The following LRRC41 variants were observed in gnomAD, a reference collection of about 807,000 sequenced individuals.
The protein encoded by LRRC41 is leucine-rich repeat-containing protein 41.
Under a neutral mutation model 72.1 loss-of-function variants are expected in LRRC41, and 17 were observed. That is an observed-to-expected ratio of 0.24 (90% CI 0.16 to 0.35). LRRC41 has a LOEUF of 0.35. Ranked by LOEUF, LRRC41 falls within the 10% of genes least tolerant of loss-of-function variation. LRRC41 has a pLI of 1.00. For missense variants in LRRC41, 759 were observed against 1,065.0 expected, an observed-to-expected ratio of 0.71 and a Z score of 4.00; for synonymous variants, 427 against 431.0, an observed-to-expected ratio of 0.99 and a Z score of 0.11.
chr1:46,285,838 C>T lies in LRRC41; in HGVS notation c.1019G>A (p.Arg340Lys). Residue 340 changes from arginine to lysine, a missense_variant, in exon 4 of 10, where the codon AGG (arginine) becomes AAG (lysine). By Grantham distance (26) the Arg-to-Lys change is conservative (BLOSUM62 2). Coordinates refer to ENST00000617190, the MANE Select transcript of LRRC41 (RefSeq NM_006369.5). The surrounding 1 kb of genome is among the most constrained non-coding windows in gnomAD (Gnocchi z 5.3). Reference sequence around the variant, plus strand: ...GGAGGTGGCTGGGGGGTGCAGCTCCCTCTTAAGGTCTGTTCCGCCTGCTGT... The same window carrying T: ...GGAGGTGGCTGGGGGGTGCAGCTCCTTCTTAAGGTCTGTTCCGCCTGCTGT... The part of the protein sequence containing the change: ...SLTAGGTDLK[R>K]ELHPPATSHE... 6.3e-7 allele frequency: 1 copy of T among 1,592,816 alleles called. No homozygotes were observed. The highest frequency in any genetic ancestry group is 1.7e-4 in the Middle Eastern group (1 of 5,922).
At chr1:46,292,968 G>A (rs914401493) in intron 3 of LRRC41, among the ~76,000 whole-genome samples, 4 of 152,052 alleles carry the variant, frequency 2.6e-5, no homozygotes, top group African/African-American at 7.2e-5. Context: ...GGTGGATCAC[G>A]AGGTCAAGAG....
rs1387489267 is a variant in LRRC41, at chr1:46,285,731, G to A, written c.1126C>T (p.Arg376Trp). The change falls in exon 4 of 10, where the codon CGG becomes TGG. Residue 376 changes from arginine (R) to tryptophan (W), a missense_variant. Physicochemically the swap from Arg to Trp is moderately radical, Grantham distance 101. Coordinates refer to ENST00000617190, the MANE Select transcript of LRRC41 (RefSeq NM_006369.5). The surrounding 1 kb of genome is among the most constrained non-coding windows in gnomAD (Gnocchi z 5.3). ...SASSSTSSYK[R>W]APASSAPQPK... ...TGTGGGGCTGAGCTAGCTGGTGCCC[G>A]TTTGTATGAGGATGTAGAAGAAGAG... is the stretch of plus-strand genomic sequence containing the variant. 10 of 1,607,274 alleles carry A rather than the reference G, an allele frequency of 6.2e-6. No homozygotes were observed. The highest frequency in any genetic ancestry group is 2.2e-5 in the South Asian group (2 of 90,588).
Position 46,302,014 on chromosome 1 carries a change from A to C in LRRC41, c.199+1110T>G, listed in dbSNP as rs1569671003. ...CTTTCACTTGCCCCACGTCGGACCC[A>C]AGTTTCCCTCGTCAGCGGCCAGGCC... On this transcript the variant is annotated intron_variant, in intron 1 of 9. Transcript: ENST00000617190. This position sits in a 1 kb window ranked among gnomAD's most constrained non-coding sequence, Gnocchi z 4.7. 1.0e-6 allele frequency: 1 copy of C among 985,256 alleles called. No homozygotes were observed. The allele number at this position is 985,256 out of a possible 1,614,324, so 61.0% of individuals were successfully genotyped here. A position where few individuals can be genotyped will look rare whatever the true frequency, so the allele number is the denominator to read the frequency against.
At position 46,279,052 on chromosome 1, in the gene LRRC41, T is replaced by G; in HGVS notation, c.2252A>C (p.Glu751Ala). Residue 751 changes from glutamate (E) to alanine (A), a missense_variant, in exon 10 of 10, where the codon GAG (glutamate) becomes GCG (alanine). Glu to Ala is a moderately radical substitution (Grantham distance 107). Transcript: ENST00000617190. This position sits in a 1 kb window ranked among gnomAD's most constrained non-coding sequence, Gnocchi z 4.5. ...CCAGCGCTCCAGCCGCTTGGCGAAC[T>G]CCAGAAGCCCATCTGGCTTGATGCA... ...SNCIKPDGLL[E>A]FAKRLERWGR... The G allele has an allele frequency of 6.2e-7, 1 of 1,610,148 alleles. No homozygotes were observed.
chr1:46,293,697 G>A (rs1219459614), intron 3 of LRRC41, among the ~76,000 whole-genome samples: 1 of 152,136 alleles, frequency 6.6e-6, no homozygotes, highest in Non-Finnish European at 1.5e-5. Context: ...AGCCTCCCAA[G>A]GAGCTTGGAT....
rs1661244984 is a variant in LRRC41 at position 46,302,097 on chromosome 1, C to T, written c.199+1027G>A. The T allele has an allele frequency of 1.0e-6, 1 of 985,242 alleles. No individual in the cohort carries two copies. Among genetic ancestry groups the T allele is most frequent in the African/African-American group, 1.7e-5 (1 of 57,240 alleles). The allele number at this position is 985,242 out of a possible 1,614,324, so 61.0% of individuals were successfully genotyped here. On this transcript the variant is annotated intron_variant, in intron 1 of 9. Transcript: ENST00000617190. The surrounding 1 kb of genome is among the most constrained non-coding windows in gnomAD (Gnocchi z 4.7). ...TCCCAGCCCAACTGGCCGGTTCGCCCTCCCCGGCCGTTCATCCCGGCGCCC... is the reference window on the plus strand; with the variant it reads ...TCCCAGCCCAACTGGCCGGTTCGCCTTCCCCGGCCGTTCATCCCGGCGCCC...
rs1257527306 is a variant in LRRC41 at position 46,279,313 on chromosome 1, A to G, written c.2144-56T>C. The G allele has an allele frequency of 1.3e-6, 2 of 1,592,540 alleles. No homozygotes were observed. The highest frequency in any genetic ancestry group is 2.2e-5 in the South Asian group (2 of 90,514). Reference sequence around the variant, plus strand: ...CCACCCAAGAACAGGGGACAAGGGTATCCCAACCCAACTATGGCTGGCAGA... The same window carrying G: ...CCACCCAAGAACAGGGGACAAGGGTGTCCCAACCCAACTATGGCTGGCAGA... On this transcript the variant is annotated intron_variant, in intron 8 of 9. Transcript: ENST00000617190. The surrounding 1 kb of genome is among the most constrained non-coding windows in gnomAD (Gnocchi z 4.5).
chr1:46,301,942 T>G (rs1220225482), intron 1 of LRRC41: 1 of 983,660 alleles, frequency 1.0e-6, no homozygotes, highest in Non-Finnish European at 1.2e-6. Flanking sequence ...AGGCCTCCCC[T>G]GTCCCCAGCG....
Position 46,302,303 on chromosome 1 carries a change from T to A in LRRC41, c.199+821A>T. On this transcript the variant is annotated intron_variant, in intron 1 of 9. Transcript: ENST00000617190. The surrounding 1 kb of genome is among the most constrained non-coding windows in gnomAD (Gnocchi z 4.7). ...TGGGGCCTCCTTGGCCCTTCCCGCC[T>A]GTCCGTCATTCGAGCCTCCCTCGCT... 1.0e-6 allele frequency: 1 copy of A among 985,290 alleles called. No individual in the cohort carries two copies. Among genetic ancestry groups the A allele is most frequent in the Non-Finnish European group, 1.2e-6 (1 of 829,862 alleles). The allele number at this position is 985,290 out of a possible 1,614,324, so 61.0% of individuals were successfully genotyped here. A position where few individuals can be genotyped will look rare whatever the true frequency, so the allele number is the denominator to read the frequency against.
At chr1:46,296,640 C>T (rs1661132827) in intron 3 of LRRC41, 1 of 152,140 alleles carries the variant, frequency 6.6e-6, no homozygotes, top group Non-Finnish European at 1.5e-5. Context: ...ATAATAGAAT[C>T]TCAGGTCTAA....
At position 46,297,605 on chromosome 1, in the gene LRRC41, T is replaced by C; in HGVS notation, c.315A>G (p.Arg105=). 1 of 1,614,138 alleles carries C rather than the reference T, an allele frequency of 6.2e-7. No individual in the cohort carries two copies. The highest frequency in any genetic ancestry group is 8.5e-7 in the Non-Finnish European group (1 of 1,179,998). ...KGLSTQAIWR[R]LWDELMKTRP... ...TTGTCTTCATCAGTTCATCCCAGAG[T>C]CGGCGCCAGATGGCCTGAGTTGAGA... The change falls in exon 3 of 10, where the codon CGA becomes CGG. Residue 105 remains arginine (R), a synonymous_variant. Transcript: ENST00000617190.
intron 3 of LRRC41, among the ~76,000 whole-genome samples, chr1:46,288,463 T>C (rs1660929278): frequency 6.6e-6 from 1 of 152,252 alleles, no homozygotes; most frequent in African/African-American, 2.4e-5. Context: ...CTGCCACTGC[T>C]ATTAGCCTAG....
chr1:46,298,340 AGG>A lies in LRRC41; in HGVS notation c.228_229del (p.Leu77ThrfsTer12). On this transcript the variant is annotated frameshift_variant, in exon 2 of 10. Transcript: ENST00000617190. LOFTEE classifies it high-confidence loss of function. ...CAAGTAATATATATTGAGCAGAGGT[AGG>A]ATGCTTTGAAGTATTGGGCCTGGGA... 1 of 1,612,852 alleles carries A rather than the reference AGG, an allele frequency of 6.2e-7. No homozygotes were observed. Among genetic ancestry groups the A allele is most frequent in the Non-Finnish European group, 8.5e-7 (1 of 1,179,428 alleles).
intron 3 of LRRC41, among the ~76,000 whole-genome samples, chr1:46,288,257 A>C (rs1487582778): frequency 1.3e-5 from 2 of 152,198 alleles, no homozygotes; most frequent in Admixed American, 6.5e-5. Flanking sequence ...TTTCTAATTT[A>C]AGATGATCCC....
At chr1:46,297,477 T>C in intron 3 of LRRC41, 86 bp downstream of exon 3, 1 of 1,082,490 alleles carries the variant, frequency 9.2e-7, no homozygotes, top group Non-Finnish European at 1.4e-6. Flanking sequence ...CTCTGCACTT[T>C]ATCAGTACCC....
intron 4 of LRRC41, 40 bp from the exon 5 acceptor site, chr1:46,281,425 T>G (rs1228169030): frequency 6.3e-7 from 1 of 1,599,840 alleles, no homozygotes; most frequent in Non-Finnish European, 8.6e-7. Context: ...CATGTGGGAG[T>G]GTCAGCAGGG....
chr1:46,284,022 A>C (rs1030550697), intron 4 of LRRC41: 1 of 152,198 alleles, frequency 6.6e-6, no homozygotes, highest in African/African-American at 2.4e-5. Flanking sequence ...AAATCCTGCC[A>C]AGAAGAGTTA....
rs1343182000 is a variant in LRRC41 at position 46,278,800 on chromosome 1, C to A, written c.*65G>T. On this transcript the variant is annotated 3_prime_UTR_variant, in exon 10 of 10. Coordinates refer to ENST00000617190, the MANE Select transcript of LRRC41 (RefSeq NM_006369.5). The stretch of plus-strand genomic sequence containing the variant: ...TAGAACTGGTGGTTGGGGTTCTGGG[C>A]AGCCCATGCTTCAGCCCCTGCAAGC... The A allele has an allele frequency of 4.1e-6, 6 of 1,466,014 alleles. No individual in the cohort carries two copies. The highest frequency in any genetic ancestry group is 1.7e-4 in the Middle Eastern group (1 of 5,728). 90.8% of individuals were successfully genotyped at this position (1,466,014 alleles called of 1,614,324 possible). A position where few individuals can be genotyped will look rare whatever the true frequency, so the allele number is the denominator to read the frequency against.
In LRRC41 at chr1:46,303,094, C is replaced by T. The variant is rs1661281449; in HGVS notation, c.199+30G>A. The T allele has an allele frequency of 3.7e-6, 5 of 1,367,146 alleles. No homozygotes were observed. In the Admixed American group the frequency reaches 1.0e-4, roughly 27 times the overall value. The allele number at this position is 1,367,146 out of a possible 1,614,324, so 84.7% of individuals were successfully genotyped here. A position where few individuals can be genotyped will look rare whatever the true frequency, so the allele number is the denominator to read the frequency against. ...CCGCTGGGCCGCCCCTTGCTCTTAG[C>T]CAGAGGTAGCCCCTCACCCCGCGAC... On this transcript the variant is annotated intron_variant, in intron 1 of 9. Transcript: ENST00000617190.
Sources: gnomAD v4.1 joint callset for allele counts (sites outside exome capture counted in the v4.1 genomes callset) on GRCh38, gnomAD v4.1.1 for gene constraint, Gnocchi (gnomAD v3.1) non-coding constraint, MANE v1.5 for transcripts, NCBI Gene and HGNC (gene_info 2026-07-23, HGNC 2026-07-21) for gene names.